Variants in ZNF600 observed in about 807,000 individuals in gnomAD.
ZNF600 encodes zinc finger protein 600.
In ZNF600, 4 loss-of-function variants were observed where a neutral mutation model predicts 7.3. That is an observed-to-expected ratio of 0.55 (90% CI 0.27 to 1.25). The LOEUF (loss-of-function observed/expected upper bound fraction) is 1.25, where lower values mean the gene tolerates loss of function less well. Among genes scored for constraint, ZNF600 ranks in the 50% most tolerant of loss-of-function variants. The pLI, the probability that ZNF600 is intolerant of heterozygous loss-of-function variation, is 0.12. For synonymous variants in ZNF600, 290 were observed against 308.9 expected (o/e 0.94, Z 0.64); for missense variants, 911 against 922.1 (o/e 0.99, Z 0.16).
At chr19:52,821,523 C>T in the ZNF600 span, 3 of 152,224 alleles carry the variant, frequency 2.0e-5, no homozygotes, top group African/African-American at 7.2e-5. Context: ...CCCCACATCC[C>T]ATGTACAGAA....
At chr19:52,789,739 T>TA (rs1275442731), upstream of ZNF600, among the ~76,000 whole-genome samples, 5 of 151,794 alleles carry the variant, frequency 3.3e-5, no homozygotes, top group South Asian at 2.1e-4. Context: ...ACAACAAAAT[T>TA]AAAAAAAATA....
chr19:52,782,725 G>A (rs926039368), intron 1 of ZNF600, among the ~76,000 whole-genome samples: 8 of 151,776 alleles, frequency 5.3e-5, no homozygotes, highest in Admixed American at 1.3e-4. Flanking sequence ...TACAAAAATC[G>A]ACAGGACAGG....
upstream of ZNF600, chr19:52,786,827 G>A (rs957365119): frequency 9.6e-6 from 3 of 311,814 alleles, no homozygotes; most frequent in Admixed American, 1.0e-4. Flanking sequence ...GGACCTGGGC[G>A]GGGTAGAGGC....
the ZNF600 span, chr19:52,801,327 G>C: frequency 6.2e-7 from 1 of 1,614,160 alleles, no homozygotes; most frequent in Non-Finnish European, 8.5e-7. Context: ...TGTTGAAACT[G>C]AGGAAGCATT....
chr19:52,789,205 G>A (rs1469904154), upstream of ZNF600, among the ~76,000 whole-genome samples: 2 of 152,150 alleles, frequency 1.3e-5, no homozygotes, highest in Non-Finnish European at 2.9e-5. Flanking sequence ...AGAGTCCTAG[G>A]CAGAGGGACA....
chr19:52,815,946 T>C, the ZNF600 span, among the ~76,000 whole-genome samples: 22 of 147,246 alleles, frequency 1.5e-4, no homozygotes, highest in East Asian at 4.4e-3. Context: ...GCCCCAAACG[T>C]AAAGTAAAAA....
At chr19:52,827,652 T>C in the ZNF600 span, among the ~76,000 whole-genome samples, 1,762 of 151,964 alleles carry the variant, frequency 0.012, 58 homozygotes, top group African/African-American at 0.04. Context: ...TCATGCCATT[T>C]TTCTGCCTCA....
At chr19:52,784,345 G>A (rs773105595) in intron 1 of ZNF600, among the ~76,000 whole-genome samples, 3 of 152,236 alleles carry the variant, frequency 2.0e-5, no homozygotes, top group Non-Finnish European at 4.4e-5. Flanking sequence ...GGTCGAGGCT[G>A]CAGTTAGAGT....
At chr19:52,801,319 T>C in the ZNF600 span, 8 of 1,614,066 alleles carry the variant, frequency 5.0e-6, no homozygotes, top group Admixed American at 8.3e-5. Context: ...CTTTGGGATG[T>C]TGAAACTGAG....
intron 1 of ZNF600, 56 bp downstream of exon 1, chr19:52,786,539 G>T: frequency 6.0e-6 from 1 of 165,336 alleles, no homozygotes; most frequent in Non-Finnish European, 1.4e-5. Context: ...GACCGGGGAC[G>T]GGACCAGCCT....
chr19:52,815,835 A>C, the ZNF600 span, among the ~76,000 whole-genome samples: 2 of 146,774 alleles, frequency 1.4e-5, no homozygotes, highest in Non-Finnish European at 3.0e-5. Context: ...AAAAAAAATA[A>C]ATAACTATCG....
At chr19:52,784,580 G>T (rs2062749341) in intron 1 of ZNF600, among the ~76,000 whole-genome samples, 2 of 152,142 alleles carry the variant, frequency 1.3e-5, no homozygotes, top group South Asian at 4.1e-4. Flanking sequence ...AAAATTTATA[G>T]AATGTACATG....
At chr19:52,810,725 G>C in the ZNF600 span, 1 of 715,264 alleles carries the variant, frequency 1.4e-6, no homozygotes, top group Non-Finnish European at 2.5e-6. Flanking sequence ...TGTGTATTAG[G>C]AGAGAGAGGA....
chr19:52,773,493 C>G (rs533575828), intron 3 of ZNF600, among the ~76,000 whole-genome samples: 1 of 151,976 alleles, frequency 6.6e-6, no homozygotes, highest in Middle Eastern at 3.4e-3. Context: ...ATAAGTAAAC[C>G]CTATGAAGAG....
the ZNF600 span, among the ~76,000 whole-genome samples, chr19:52,821,845 T>A: frequency 6.6e-6 from 1 of 151,648 alleles, no homozygotes; most frequent in African/African-American, 2.4e-5. Context: ...ACAGCTTGCA[T>A]TGGGCCGAGA....
the ZNF600 span, among the ~76,000 whole-genome samples, chr19:52,832,225 T>G: frequency 6.6e-6 from 1 of 151,882 alleles, no homozygotes; most frequent in African/African-American, 2.4e-5. Context: ...AAAAAATAAG[T>G]AAAATCAATG....
At chr19:52,817,863 C>T in the ZNF600 span, 2 of 1,599,900 alleles carry the variant, frequency 1.3e-6, no homozygotes, top group Non-Finnish European at 1.7e-6. Context: ...ACACTTCAGA[C>T]TCAGAGAAGA....
the ZNF600 span, among the ~76,000 whole-genome samples, chr19:52,813,849 G>C: frequency 2.7e-5 from 4 of 146,006 alleles, 2 homozygotes; most frequent in African/African-American, 1.1e-4. Flanking sequence ...TTTTTGTTTT[G>C]TTTTGTCTTC....
intron 1 of ZNF600, among the ~76,000 whole-genome samples, chr19:52,785,042 T>G (rs1293767605): frequency 2.0e-5 from 3 of 152,026 alleles, no homozygotes; most frequent in East Asian, 1.9e-4. Context: ...CAGCCCCTCT[T>G]TCTTCATTAC....
Sources: gnomAD v4.1 joint callset for allele counts (sites outside exome capture counted in the v4.1 genomes callset) on GRCh38, gnomAD v4.1.1 for gene constraint, MANE v1.5 for transcripts, NCBI Gene and HGNC (gene_info 2026-07-23, HGNC 2026-07-21) for gene names.